OPHN1: variants seen among roughly 807,000 people sequenced by gnomAD.
The protein encoded by OPHN1 is oligophrenin 1.
In OPHN1, 11 loss-of-function variants were observed where a neutral mutation model predicts 60.7. The ratio of observed to expected loss-of-function variants is 0.18; its 90% CI spans 0.11 to 0.30. The LOEUF (loss-of-function observed/expected upper bound fraction) is 0.30. Ranked by LOEUF, OPHN1 falls within the 10% of genes least tolerant of loss-of-function variation. OPHN1 has a pLI of 1.00. For synonymous variants in OPHN1, 226 were observed against 222.6 expected, an observed-to-expected ratio of 1.02 and a Z score of -0.14; for missense variants, 449 against 611.0, an observed-to-expected ratio of 0.73 and a Z score of 2.80.
chrX:68,300,349 A>G (rs1383409100), intron 2 of OPHN1, among the ~76,000 whole-genome samples: 3 of 112,636 alleles, frequency 2.7e-5, no homozygotes, highest in Non-Finnish European at 5.6e-5. Context: ...TTTGGCTGAA[A>G]CAAATTATAA....
intron 3 of OPHN1, among the ~76,000 whole-genome samples, chrX:68,285,580 C>T (rs1011086181): frequency 9.0e-6 from 1 of 111,242 alleles, no homozygotes; most frequent in Non-Finnish European, 1.9e-5. Flanking sequence ...AATTTCTTGG[C>T]CATTATTTCT....
At position 68,371,219 on chromosome X, in the gene OPHN1, C is replaced by CTT. The variant is rs571482375; in HGVS notation, c.154+61646_154+61647dup. ...CCTTTCAAGTTTTTTCTTTTTCTTT[C>CTT]TTTTTTTTTTTTTTCCAAAAAAAGG... On this transcript the variant is annotated intron_variant, in intron 2 of 24. Coordinates refer to ENST00000355520, the MANE Select transcript of OPHN1 (RefSeq NM_002547.3). Among the ~76,000 whole-genome samples the CTT allele has an allele frequency of 2.1e-3, 199 of 96,988 alleles. 1 individual carries two copies. The highest frequency in any genetic ancestry group is 0.019 in the South Asian group (42 of 2,219). 84.2% of individuals were successfully genotyped at this position (96,988 alleles called of 115,157 possible). A position where few individuals can be genotyped will look rare whatever the true frequency, so the allele number is the denominator to read the frequency against.
intron 3 of OPHN1, among the ~76,000 whole-genome samples, chrX:68,297,544 A>G (rs1019727619): frequency 8.9e-6 from 1 of 112,394 alleles, no homozygotes; most frequent in African/African-American, 3.2e-5. Context: ...TCTAAATCTA[A>G]AAAATGTTCA....
At chrX:68,314,847 A>G (rs2078191335) in intron 2 of OPHN1, among the ~76,000 whole-genome samples, 1 of 108,814 alleles carries the variant, frequency 9.2e-6, no homozygotes, top group East Asian at 2.9e-4. Context: ...TTAGCTGGGC[A>G]TGGTGGCACA....
At chrX:68,153,252 G>A (rs1334190904) in intron 15 of OPHN1, among the ~76,000 whole-genome samples, 13 of 109,269 alleles carry the variant, frequency 1.2e-4, no homozygotes, top group Non-Finnish European at 2.5e-4. Context: ...GAAAGCAAAT[G>A]GGCAAATTAT....
chrX:68,157,367 G>C, intron 15 of OPHN1, among the ~76,000 whole-genome samples: 1 of 111,908 alleles, frequency 8.9e-6, no homozygotes, highest in Non-Finnish European at 1.9e-5. Context: ...AGAAACTGTA[G>C]TACATATACA....
chrX:68,066,444 T>C (rs1401758466), intron 20 of OPHN1, among the ~76,000 whole-genome samples: 1 of 111,584 alleles, frequency 9.0e-6, no homozygotes, highest in African/African-American at 3.3e-5. Context: ...GGAAAGTATC[T>C]TCTGCTGGCT....
chrX:68,375,339 T>C (rs2078551307), intron 2 of OPHN1, among the ~76,000 whole-genome samples: 1 of 110,864 alleles, frequency 9.0e-6, no homozygotes. Context: ...TACAAAAATA[T>C]TTTAAAACTT....
At chrX:68,129,568 A>G (rs2077185563) in intron 15 of OPHN1, among the ~76,000 whole-genome samples, 2 of 112,259 alleles carry the variant, frequency 1.8e-5, no homozygotes, top group African/African-American at 6.5e-5. Context: ...ATAATCATAG[A>G]AAATATATTG....
At chrX:68,083,174 G>A (rs1428783145) in intron 19 of OPHN1, among the ~76,000 whole-genome samples, 4 of 94,080 alleles carry the variant, frequency 4.3e-5, no homozygotes, top group Non-Finnish European at 6.2e-5. Flanking sequence ...CCGGGTTCAC[G>A]CCATTCTCCT....
chrX:68,223,992 C>A (rs2077676844), intron 6 of OPHN1, among the ~76,000 whole-genome samples: 1 of 111,228 alleles, frequency 9.0e-6, no homozygotes, highest in African/African-American at 3.3e-5. Context: ...AGAGACACAC[C>A]TACTATTAGA....
At chrX:68,088,695 A>G (rs1265983141) in intron 19 of OPHN1, among the ~76,000 whole-genome samples, 1 of 110,939 alleles carries the variant, frequency 9.0e-6, no homozygotes, top group African/African-American at 3.3e-5. Flanking sequence ...TTTAGTGGCC[A>G]ATGTACTATG....
At chrX:68,097,378 T>C (rs937605125) in intron 18 of OPHN1, among the ~76,000 whole-genome samples, 14 of 110,626 alleles carry the variant, frequency 1.3e-4, no homozygotes, top group African/African-American at 4.3e-4. Flanking sequence ...CCCATATAAG[T>C]ATAAAGCATG....
chrX:68,093,025 C>A (rs757462178), intron 19 of OPHN1, among the ~76,000 whole-genome samples: 1 of 110,766 alleles, frequency 9.0e-6, no homozygotes, highest in South Asian at 3.9e-4. Flanking sequence ...ATACAAGACC[C>A]ATGATCTGAC....
chrX:68,105,279 C>T (rs1049740828), intron 18 of OPHN1, among the ~76,000 whole-genome samples: 3 of 110,281 alleles, frequency 2.7e-5, no homozygotes, highest in Non-Finnish European at 5.7e-5. Context: ...ACCTGAAATA[C>T]CATTTGACCT....
chrX:68,370,668 T>C (rs1360111385), intron 2 of OPHN1, among the ~76,000 whole-genome samples: 2 of 112,020 alleles, frequency 1.8e-5, no homozygotes, highest in African/African-American at 6.5e-5. Context: ...TTTAAGTGCT[T>C]TAAAATAATT....
chrX:68,327,588 G>C (rs1268620959), intron 2 of OPHN1, among the ~76,000 whole-genome samples: 1 of 49,327 alleles, frequency 2.0e-5, no homozygotes, highest in Non-Finnish European at 3.3e-5. Context: ...CAGCATGCTC[G>C]TTGAGAGTCA....
At chrX:68,217,262 TG>T (rs1276812458) in intron 6 of OPHN1, among the ~76,000 whole-genome samples, 1 of 112,216 alleles carries the variant, frequency 8.9e-6, no homozygotes, top group Non-Finnish European at 1.9e-5. Flanking sequence ...ATCCCGCACC[TG>T]GCTCGGAGGA....
intron 15 of OPHN1, among the ~76,000 whole-genome samples, chrX:68,140,417 A>G (rs1403970295): frequency 8.9e-6 from 1 of 112,125 alleles, no homozygotes; most frequent in African/African-American, 3.2e-5. Context: ...TCCAGTAGTT[A>G]CCACAATTCT....
Sources: gnomAD v4.1 joint callset for allele counts (sites outside exome capture counted in the v4.1 genomes callset) on GRCh38, gnomAD v4.1.1 for gene constraint, MANE v1.5 for transcripts, NCBI Gene and HGNC (gene_info 2026-07-23, HGNC 2026-07-21) for gene names.